TRIM23: variants seen among roughly 807,000 people sequenced by gnomAD.
The protein encoded by TRIM23 is E3 ubiquitin-protein ligase TRIM23.
In TRIM23, 27 loss-of-function variants were observed where a neutral mutation model predicts 71.0. That is an observed-to-expected ratio of 0.38 (90% CI 0.28 to 0.52). The LOEUF (loss-of-function observed/expected upper bound fraction) is 0.52, where lower values mean the gene tolerates loss of function less well. TRIM23 is among the 20% of genes least tolerant of loss of function. TRIM23 has a pLI of 0.84. For missense variants in TRIM23, 482 were observed against 692.3 expected (o/e 0.70, Z 3.41); for synonymous variants, 234 against 238.0 (o/e 0.98, Z 0.16).
rs1753984031 is a variant in TRIM23, at chr5:65,590,332, T to C, written c.*1437A>G. ...AAAATAAAGGATGAAATATTACATTTATTTATTTACATATTGCCCATAATA... is the reference window on the plus strand; with the variant it reads ...AAAATAAAGGATGAAATATTACATTCATTTATTTACATATTGCCCATAATA... On this transcript the variant is annotated 3_prime_UTR_variant, in exon 11 of 11. Transcript: ENST00000231524. The C allele has an allele frequency of 6.8e-7, 1 of 1,461,332 alleles. No homozygotes were observed. Among genetic ancestry groups the C allele is most frequent in the Non-Finnish European group, 9.4e-7 (1 of 1,067,584 alleles). 90.5% of individuals were successfully genotyped at this position (1,461,332 alleles called of 1,614,324 possible).
chr5:65,624,315 T>G lies in TRIM23; in HGVS notation c.-41A>C, dbSNP rs762804988. On this transcript the variant is annotated 5_prime_UTR_variant, in exon 1 of 11. Coordinates refer to ENST00000231524, the MANE Select transcript of TRIM23 (RefSeq NM_001656.4). ...GCCACAGAAACAGCCTTCAGAGTCCTCAACTGAGAGGCGGGGTTGAGCCAC... is the reference window on the plus strand; with the variant it reads ...GCCACAGAAACAGCCTTCAGAGTCCGCAACTGAGAGGCGGGGTTGAGCCAC... 1.2e-6 allele frequency: 2 copies of G among 1,607,954 alleles called. No individual in the cohort carries two copies. The highest frequency in any genetic ancestry group is 1.7e-6 in the Non-Finnish European group (2 of 1,177,836).
At chr5:65,618,461 A>G (rs762428012) in intron 1 of TRIM23, among the ~76,000 whole-genome samples, 1 of 152,200 alleles carries the variant, frequency 6.6e-6, no homozygotes, top group Non-Finnish European at 1.5e-5. Context: ...TCATAATGAA[A>G]TATCTTTGAA....
chr5:65,616,644 A>T (rs1156301297), intron 2 of TRIM23, among the ~76,000 whole-genome samples: 1 of 94,418 alleles, frequency 1.1e-5, no homozygotes, highest in Admixed American at 1.1e-4. Flanking sequence ...TCTGCTTTAA[A>T]AAAAAAAAAA....
intron 7 of TRIM23, among the ~76,000 whole-genome samples, chr5:65,600,002 C>A (rs575567981): frequency 2.6e-5 from 4 of 152,114 alleles, no homozygotes; most frequent in Admixed American, 1.3e-4. Flanking sequence ...AGGAAACTTA[C>A]AATCATGGTG....
chr5:65,612,389 A>C (rs1254896762), intron 3 of TRIM23, among the ~76,000 whole-genome samples: 2 of 152,198 alleles, frequency 1.3e-5, no homozygotes, highest in African/African-American at 2.4e-5. Flanking sequence ...CTGGAAGAGA[A>C]ATTCTTATTT....
Position 65,590,398 on chromosome 5 carries a change from G to C in TRIM23, c.*1371C>G. On this transcript the variant is annotated 3_prime_UTR_variant, in exon 11 of 11. Transcript: ENST00000231524. The stretch of plus-strand genomic sequence containing the variant: ...TTTAATGCTTTGTTTTCTAAAACTT[G>C]TATTGTTTTTAAACAAAAATAGATT... 1.4e-6 allele frequency: 2 copies of C among 1,426,592 alleles called. No homozygotes were observed. Among genetic ancestry groups the C allele is most frequent in the Non-Finnish European group, 1.8e-6 (2 of 1,084,922 alleles). The allele number at this position is 1,426,592 out of a possible 1,614,324, so 88.4% of individuals were successfully genotyped here.
chr5:65,618,077 C>A lies in TRIM23; in HGVS notation c.244+16G>T, dbSNP rs1193590933. 1.9e-6 allele frequency: 3 copies of A among 1,584,884 alleles called. No homozygotes were observed. In the East Asian group the frequency reaches 6.9e-5, roughly 37 times the overall value. ...AACAATTTTCAATCTTAAATCCATA[C>A]AAATACTTTTCCTACCTAGGTCTGT... is the stretch of plus-strand genomic sequence containing the variant. On this transcript the variant is annotated intron_variant, in intron 2 of 10. Transcript: ENST00000231524.
At chr5:65,610,105 T>C (rs1754613267) in intron 5 of TRIM23, among the ~76,000 whole-genome samples, 1 of 152,226 alleles carries the variant, frequency 6.6e-6, no homozygotes, top group African/African-American at 2.4e-5. Flanking sequence ...ATTTAAAATC[T>C]CAAATCCATT....
At chr5:65,609,125 G>A (rs1300613619) in intron 6 of TRIM23, 118 bp downstream of exon 6, 5 of 1,004,482 alleles carry the variant, frequency 5.0e-6, no homozygotes, top group Non-Finnish European at 5.9e-6. Flanking sequence ...CATTTCCTAA[G>A]CACAAAGTTA....
At chr5:65,611,416 T>C (rs547803764) in intron 4 of TRIM23, among the ~76,000 whole-genome samples, 187 bp downstream of exon 4, 3 of 140,056 alleles carry the variant, frequency 2.1e-5, no homozygotes, top group African/African-American at 5.5e-5. Flanking sequence ...CTCTTTGAAG[T>C]TTTTTTTTTT....
At chr5:65,616,665 T>G (rs1318713970) in intron 2 of TRIM23, among the ~76,000 whole-genome samples, 1 of 142,572 alleles carries the variant, frequency 7.0e-6, no homozygotes, top group Non-Finnish European at 1.5e-5. Context: ...AAAAAAAAAG[T>G]AGAAGAAAGG....
chr5:65,608,627 A>G (rs1754565954), intron 6 of TRIM23, among the ~76,000 whole-genome samples: 1 of 152,234 alleles, frequency 6.6e-6, no homozygotes, highest in Admixed American at 6.5e-5. Context: ...CACACTTATG[A>G]AAACAGATCC....
chr5:65,601,462 G>A (rs994446349), intron 7 of TRIM23, among the ~76,000 whole-genome samples: 3 of 152,102 alleles, frequency 2.0e-5, no homozygotes, highest in African/African-American at 7.2e-5. Flanking sequence ...AGAAGCAAAA[G>A]CGGAAACCCC....
intron 6 of TRIM23, chr5:65,607,222 G>C (rs1246541487): frequency 6.6e-6 from 1 of 152,112 alleles, no homozygotes; most frequent in East Asian, 1.9e-4. Context: ...AAAACTAATA[G>C]GTCCATATGA....
chr5:65,591,520 C>T lies in TRIM23; in HGVS notation c.*249G>A. 3.3e-6 allele frequency: 5 copies of T among 1,530,086 alleles called. No individual in the cohort carries two copies. The highest frequency in any genetic ancestry group is 4.4e-6 in the Non-Finnish European group (5 of 1,126,540). The allele number at this position is 1,530,086 out of a possible 1,614,324, so 94.8% of individuals were successfully genotyped here. The stretch of plus-strand genomic sequence containing the variant: ...CTGAAAAACTTAAATAACAAATATA[C>T]TTTTTAAAAGAATGTATATTCAATA... On this transcript the variant is annotated 3_prime_UTR_variant, in exon 11 of 11. Coordinates refer to ENST00000231524, the MANE Select transcript of TRIM23 (RefSeq NM_001656.4).
chr5:65,596,404 T>A lies in TRIM23; in HGVS notation c.1420+17A>T. ...TCCTAAAAATGTGAAAAATTAAATG[T>A]CATTTTTAACTCTCACCTTGAGTAT... On this transcript the variant is annotated intron_variant, in intron 9 of 10. Transcript: ENST00000231524. 1 of 1,509,918 alleles carries A rather than the reference T, an allele frequency of 6.6e-7. No homozygotes were observed. Among genetic ancestry groups the A allele is most frequent in the Non-Finnish European group, 9.2e-7 (1 of 1,089,890 alleles). 93.5% of individuals were successfully genotyped at this position (1,509,918 alleles called of 1,614,324 possible). A position where few individuals can be genotyped will look rare whatever the true frequency, so the allele number is the denominator to read the frequency against.
intron 3 of TRIM23, among the ~76,000 whole-genome samples, chr5:65,612,241 C>G (rs965047852): frequency 3.3e-5 from 5 of 152,154 alleles, no homozygotes; most frequent in Non-Finnish European, 7.3e-5. Context: ...CTACAAAAAT[C>G]TGATATTAAA....
intron 1 of TRIM23, among the ~76,000 whole-genome samples, chr5:65,623,914 G>A (rs1755030057): frequency 6.6e-6 from 1 of 152,212 alleles, no homozygotes; most frequent in Non-Finnish European, 1.5e-5. Flanking sequence ...ACTAAAAGCA[G>A]AGGACCTGGA....
chr5:65,593,855 C>T (rs955778253), intron 10 of TRIM23, among the ~76,000 whole-genome samples: 2 of 152,204 alleles, frequency 1.3e-5, no homozygotes, highest in Non-Finnish European at 2.9e-5. Flanking sequence ...TACTGCATCT[C>T]CCTGTCTCCA....
Sources: gnomAD v4.1 joint callset for allele counts (sites outside exome capture counted in the v4.1 genomes callset) on GRCh38, gnomAD v4.1.1 for gene constraint, MANE v1.5 for transcripts, NCBI Gene and HGNC (gene_info 2026-07-23, HGNC 2026-07-21) for gene names.